TARM1: variants seen among roughly 807,000 people sequenced by gnomAD.
TARM1 encodes T-cell-interacting, activating receptor on myeloid cells protein 1.
Under a neutral mutation model 30.4 loss-of-function variants are expected in TARM1, and 24 were observed. That is an observed-to-expected ratio of 0.79 (90% CI 0.57 to 1.11). TARM1 has a LOEUF of 1.11. Among genes scored for constraint, TARM1 ranks in the 50% least tolerant of loss-of-function variants. The probability of loss-of-function intolerance (pLI) is 0.00; values close to 1 mark genes in which losing one functional copy is unlikely to be tolerated. For missense variants in TARM1, 323 were observed against 332.8 expected (o/e 0.97, Z 0.23); for synonymous variants, 129 against 138.9 (o/e 0.93, Z 0.50).
At chr19:54,070,237 A>G (rs1034175478) in intron 4 of TARM1, 77 bp from the exon 5 acceptor site, 3 of 1,486,498 alleles carry the variant, frequency 2.0e-6, no homozygotes, top group South Asian at 2.7e-5. Context: ...AAATCTGACT[A>G]TCATCACCCA....
In TARM1 at chr19:54,074,878, C is replaced by T. The variant is rs2071906627; in HGVS notation, c.307G>A (p.Ala103Thr). 6.4e-7 allele frequency: 1 copy of T among 1,551,502 alleles called. No homozygotes were observed. The highest frequency in any genetic ancestry group is 8.7e-7 in the Non-Finnish European group (1 of 1,146,982). ...GEYTCEYYRK[A>T]SPHILSQHSD... Reference sequence around the variant, plus strand: ...TGCTGTGAAAGGATGTGGGGGGATGCTTTTCTGTAGTATTCACAGGTGTAC... The same window carrying T: ...TGCTGTGAAAGGATGTGGGGGGATGTTTTTCTGTAGTATTCACAGGTGTAC... Residue 103 changes from alanine (A) to threonine (T), a missense_variant, in exon 3 of 5, where the codon GCA (alanine) becomes ACA (threonine). By Grantham distance (58) the Ala-to-Thr change is moderately conservative. Transcript: ENST00000432826.
intron 2 of TARM1, 137 bp downstream of exon 2, chr19:54,075,746 T>C: frequency 2.1e-6 from 2 of 954,216 alleles, no homozygotes; most frequent in Non-Finnish European, 1.6e-6. Context: ...TAAGCCGAGA[T>C]TGCACCACCG....
At chr19:54,071,253 C>T (rs552545568) in intron 4 of TARM1, among the ~76,000 whole-genome samples, 7 of 152,252 alleles carry the variant, frequency 4.6e-5, no homozygotes, top group Admixed American at 6.5e-5. Flanking sequence ...CCACCGCGCC[C>T]GGCCAAGATA....
At chr19:54,072,119 G>A (rs1410420966) in intron 4 of TARM1, among the ~76,000 whole-genome samples, 6 of 151,952 alleles carry the variant, frequency 3.9e-5, no homozygotes, top group African/African-American at 1.5e-4. Context: ...AACCTGGGAG[G>A]CAGAGGTTTC....
rs1339176973 is a variant in TARM1 at position 54,074,028 on chromosome 19, C to T, written c.550G>A (p.Val184Met). The T allele has an allele frequency of 6.4e-7, 1 of 1,551,678 alleles. No homozygotes were observed. The highest frequency in any genetic ancestry group is 8.7e-7 in the Non-Finnish European group (1 of 1,146,994). ...CCAGCATCGCCGGCTGTCACGTCCA[C>T]CAGAGAGAAGTCTATCTCCTTCCCC... ...PAGKEIDFSLVDVTAGDAGNY... is the reference protein window; with the variant it reads ...PAGKEIDFSLMDVTAGDAGNY... Residue 184 changes from valine (V) to methionine (M), a missense_variant, in exon 4 of 5, where the codon GTG (valine) becomes ATG (methionine). Val to Met is a conservative substitution (Grantham distance 21, BLOSUM62 1). Coordinates refer to ENST00000432826, the MANE Select transcript of TARM1 (RefSeq NM_001135686.3).
At chr19:54,078,553 A>G (rs1361338201) in intron 1 of TARM1, among the ~76,000 whole-genome samples, 3 of 151,440 alleles carry the variant, frequency 2.0e-5, no homozygotes, top group African/African-American at 4.9e-5. Flanking sequence ...TAATTTTTAT[A>G]TTTTTAGTAG....
At chr19:54,076,898 C>A (rs1600209017) in intron 1 of TARM1, among the ~76,000 whole-genome samples, 1 of 152,120 alleles carries the variant, frequency 6.6e-6, no homozygotes, top group South Asian at 2.1e-4. Context: ...GGCTCATGAT[C>A]TCTTTTAATC....
intron 4 of TARM1, among the ~76,000 whole-genome samples, chr19:54,073,219 G>A (rs968916410): frequency 1.1e-4 from 17 of 151,904 alleles, no homozygotes; most frequent in African/African-American, 4.1e-4. Flanking sequence ...GACCAGCCTG[G>A]TCAACACGGT....
chr19:54,074,440 T>A (rs587763256), intron 3 of TARM1, among the ~76,000 whole-genome samples: 19 of 152,166 alleles, frequency 1.2e-4, no homozygotes, highest in African/African-American at 4.6e-4. Context: ...CCCAGCACTT[T>A]GGGAGGCCAA....
At chr19:54,078,217 G>A (rs1293539200) in intron 1 of TARM1, among the ~76,000 whole-genome samples, 5 of 100,460 alleles carry the variant, frequency 5.0e-5, no homozygotes, top group Non-Finnish European at 7.3e-5. Flanking sequence ...GCAGGGTCTC[G>A]CTCTGCTGCC....
Position 54,074,727 on chromosome 19 carries a change from C to T in TARM1, c.361+97G>A, listed in dbSNP as rs941519177. ...TCTCTCCCTCTCCCACCACCCCCAACTACTCTGAAGGTGGGACCCCTTTTC... is the reference window on the plus strand; with the variant it reads ...TCTCTCCCTCTCCCACCACCCCCAATTACTCTGAAGGTGGGACCCCTTTTC... On this transcript the variant is annotated intron_variant, in intron 3 of 4. Coordinates refer to ENST00000432826, the MANE Select transcript of TARM1 (RefSeq NM_001135686.3). 4.6e-6 allele frequency: 6 copies of T among 1,309,162 alleles called. No individual in the cohort carries two copies. The African/African-American group carries it at 8.9e-5, about 19-fold the overall frequency. The allele number at this position is 1,309,162 out of a possible 1,614,324, so 81.1% of individuals were successfully genotyped here.
At chr19:54,072,841 G>T (rs1360952283) in intron 4 of TARM1, among the ~76,000 whole-genome samples, 1 of 151,856 alleles carries the variant, frequency 6.6e-6, no homozygotes, top group Non-Finnish European at 1.5e-5. Flanking sequence ...AGCCAGGCGT[G>T]GTGGCGGGCA....
At chr19:54,076,396 T>G in intron 1 of TARM1, 2 of 585,256 alleles carry the variant, frequency 3.4e-6, no homozygotes, top group Non-Finnish European at 5.8e-6. Context: ...AGAGTTGCGC[T>G]CTGTCGCCCA....
chr19:54,075,932 C>A lies in TARM1; in HGVS notation c.35-14G>T. Reference sequence around the variant, plus strand: ...CCACGCACAGTCCTGCAAGACAATCCTCCGTGAGCCAGAAGCCCCTACCTG... The same window carrying A: ...CCACGCACAGTCCTGCAAGACAATCATCCGTGAGCCAGAAGCCCCTACCTG... On this transcript the variant is annotated splice_polypyrimidine_tract_variant and intron_variant, in intron 1 of 4. Transcript: ENST00000432826. 1 of 1,551,098 alleles carries A rather than the reference C, an allele frequency of 6.4e-7. No homozygotes were observed. The highest frequency in any genetic ancestry group is 1.2e-5 in the South Asian group (1 of 84,064).
chr19:54,078,169 T>C (rs1173069212), intron 1 of TARM1, among the ~76,000 whole-genome samples: 1 of 136,110 alleles, frequency 7.3e-6, no homozygotes, highest in Non-Finnish European at 1.5e-5. Flanking sequence ...CTTTTTCTTT[T>C]CTTTCTTTCT....
intron 1 of TARM1, 130 bp downstream of exon 1, chr19:54,081,177 A>C (rs2072121488): frequency 1.2e-6 from 1 of 824,750 alleles, no homozygotes; most frequent in South Asian, 1.5e-5. Context: ...CAGTGCACTC[A>C]GCAGGACGTC....
rs2072060527 is a variant in TARM1 at position 54,080,054 on chromosome 19, G to GGA, written c.34+1252_34+1253insTC. Reference sequence around the variant, plus strand: ...GAAGGAAGGAAGGAAGGAAGGGAAAGAGAGAGAGGAAGGAAGGAATGAAGG... The same window carrying GGA: ...GAAGGAAGGAAGGAAGGAAGGGAAAGGAAGAGAGAGGAAGGAAGGAATGAAGG... On this transcript the variant is annotated intron_variant, in intron 1 of 4. Coordinates refer to ENST00000432826, the MANE Select transcript of TARM1 (RefSeq NM_001135686.3). Among the ~76,000 whole-genome samples, 7 of 31,262 alleles carry GGA rather than the reference G, an allele frequency of 2.2e-4. No homozygotes were observed. The South Asian group carries it at 3.4e-3, about 15-fold the overall frequency. 20.5% of individuals were successfully genotyped at this position (31,262 alleles called of 152,430 possible). A position where few individuals can be genotyped will look rare whatever the true frequency, so the allele number is the denominator to read the frequency against.
In TARM1 at chr19:54,075,899, T is replaced by C. The variant is rs2071938740; in HGVS notation, c.54A>G (p.Gly18=). ...AACACTCACCATCTCCCCTTGTGTC[T>C]CCTTGGCCCACGCACAGTCCTGCAA... is the stretch of plus-strand genomic sequence containing the variant. The part of the protein sequence containing the change: ...LLCFRLCVGQ[G]DTRGDGSLPK... The change falls in exon 2 of 5, where the codon GGA becomes GGG. Residue 18 remains glycine, a synonymous_variant. Transcript: ENST00000432826. 6.4e-7 allele frequency: 1 copy of C among 1,551,340 alleles called. No homozygotes were observed. The highest frequency in any genetic ancestry group is 1.4e-5 in the African/African-American group (1 of 73,130).
Position 54,074,289 on chromosome 19 carries a change from C to T in TARM1, c.362-73G>A, listed in dbSNP as rs1167125179. The T allele has an allele frequency of 2.5e-5, 35 of 1,388,322 alleles. No homozygotes were observed. In the Middle Eastern group the frequency reaches 5.5e-4, roughly 22 times the overall value. The allele number at this position is 1,388,322 out of a possible 1,614,324, so 86.0% of individuals were successfully genotyped here. A position where few individuals can be genotyped will look rare whatever the true frequency, so the allele number is the denominator to read the frequency against. On this transcript the variant is annotated intron_variant, in intron 3 of 4. Transcript: ENST00000432826. The stretch of plus-strand genomic sequence containing the variant: ...CCCCACTCACCCCTGTTCTCCTGGC[C>T]GGAGGCTCTCGTGGAGTGTGGGAAA...
Sources: allele counts gnomAD v4.1 joint callset (sites outside exome capture counted in the v4.1 genomes callset), GRCh38; gene constraint gnomAD v4.1.1; transcripts MANE v1.5; gene names NCBI Gene and HGNC (gene_info 2026-07-23, HGNC 2026-07-21).